MYO5A: variants seen among roughly 807,000 people sequenced by gnomAD.
The protein encoded by MYO5A is myosin VA.
A neutral mutation model predicts 249.7 loss-of-function variants in MYO5A; 98 were observed. The ratio of observed to expected loss-of-function variants is 0.39; its 90% CI spans 0.33 to 0.46. The LOEUF is 0.46. MYO5A is among the 20% of genes least tolerant of loss of function. The probability of loss-of-function intolerance (pLI) is 0.98; values close to 1 mark genes in which losing one functional copy is unlikely to be tolerated. For missense variants in MYO5A, 1,696 were observed against 2,308.8 expected (o/e 0.73, Z 5.44); for synonymous variants, 778 against 810.6 (o/e 0.96, Z 0.68).
At chr15:52,366,629 C>CAAAA (rs60631867) in intron 23 of MYO5A, among the ~76,000 whole-genome samples, 17 of 74,542 alleles carry the variant, frequency 2.3e-4, no homozygotes, top group Non-Finnish European at 4.1e-4. Flanking sequence ...ATTGATTTAG[C>CAAAA]AAAAAAAAAA....
chr15:52,326,584 A>G (rs2038618915), intron 36 of MYO5A, among the ~76,000 whole-genome samples: 1 of 152,178 alleles, frequency 6.6e-6, no homozygotes, highest in Non-Finnish European at 1.5e-5. Context: ...TTTAATGGGT[A>G]CTGTGTTTCA....
intron 1 of MYO5A, among the ~76,000 whole-genome samples, chr15:52,440,917 G>A (rs1260711690): frequency 6.6e-6 from 1 of 152,026 alleles, no homozygotes; most frequent in Admixed American, 6.6e-5. Context: ...ATTCAGAATC[G>A]GCCATGGCTC....
chr15:52,367,636 G>C (rs974974381), intron 22 of MYO5A, among the ~76,000 whole-genome samples: 2 of 152,148 alleles, frequency 1.3e-5, no homozygotes, highest in African/African-American at 4.8e-5. Context: ...AGAAGGATAT[G>C]AGGATGTTTA....
intron 1 of MYO5A, among the ~76,000 whole-genome samples, chr15:52,488,852 T>C (rs780415343): frequency 1.3e-5 from 2 of 152,214 alleles, no homozygotes; most frequent in Non-Finnish European, 2.9e-5. Flanking sequence ...TGACACTTAA[T>C]AACAAATAAT....
intron 35 of MYO5A, among the ~76,000 whole-genome samples, chr15:52,328,531 C>A (rs1035470169): frequency 2.0e-5 from 3 of 152,206 alleles, no homozygotes; most frequent in Admixed American, 6.5e-5. Flanking sequence ...CTACCAGCTA[C>A]AGATGTCCCA....
chr15:52,388,775 A>G (rs1595576473), intron 13 of MYO5A, among the ~76,000 whole-genome samples: 1 of 152,190 alleles, frequency 6.6e-6, no homozygotes, highest in Non-Finnish European at 1.5e-5. Flanking sequence ...GAGATCAGCT[A>G]TGCTTTAGGA....
intron 4 of MYO5A, among the ~76,000 whole-genome samples, chr15:52,417,759 C>T (rs1020899732): frequency 3.9e-5 from 6 of 152,172 alleles, no homozygotes; most frequent in African/African-American, 1.2e-4. Flanking sequence ...CTCACATGCT[C>T]ATGTGCCCTC....
intron 1 of MYO5A, among the ~76,000 whole-genome samples, chr15:52,453,032 T>A (rs1366066816): frequency 6.6e-6 from 1 of 151,930 alleles, no homozygotes; most frequent in Non-Finnish European, 1.5e-5. Flanking sequence ...AAGAGAAAAC[T>A]TTCCAAAACT....
At chr15:52,520,558 T>A (rs545396839) in intron 1 of MYO5A, among the ~76,000 whole-genome samples, 3 of 152,350 alleles carry the variant, frequency 2.0e-5, no homozygotes, top group African/African-American at 7.2e-5. Context: ...TGACCATGTC[T>A]GAGCCTTGAT....
intron 1 of MYO5A, among the ~76,000 whole-genome samples, chr15:52,473,662 C>T (rs1478737241): frequency 6.6e-6 from 1 of 152,166 alleles, no homozygotes; most frequent in Admixed American, 6.5e-5. Flanking sequence ...ATCCTTTCCC[C>T]ATTTCTTGTT....
intron 1 of MYO5A, among the ~76,000 whole-genome samples, chr15:52,518,865 A>G (rs1156387148): frequency 1.3e-5 from 2 of 152,228 alleles, no homozygotes; most frequent in African/African-American, 2.4e-5. Flanking sequence ...ATGTCAGATC[A>G]GGGAGTGGTA....
intron 36 of MYO5A, among the ~76,000 whole-genome samples, chr15:52,325,565 C>A (rs917141140): frequency 1.3e-5 from 2 of 151,884 alleles, no homozygotes; most frequent in African/African-American, 4.8e-5. Context: ...CCATGCTTGG[C>A]TAATTTTTTT....
chr15:52,468,494 C>T (rs2693466), intron 1 of MYO5A, among the ~76,000 whole-genome samples: 119,642 of 151,890 alleles, frequency 0.79, 47,548 homozygotes, highest in South Asian at 0.84. Context: ...CCCGTCTCTA[C>T]AAAAATGTAA....
At chr15:52,429,665 G>T (rs8033579) in intron 2 of MYO5A, among the ~76,000 whole-genome samples, 37,015 of 151,184 alleles carry the variant, frequency 0.24, 5,390 homozygotes, top group East Asian at 0.64. Flanking sequence ...CTCCAGCCTG[G>T]GCTACAGAGC....
At chr15:52,477,016 A>G (rs1465451171) in intron 1 of MYO5A, among the ~76,000 whole-genome samples, 1 of 152,186 alleles carries the variant, frequency 6.6e-6, no homozygotes, top group African/African-American at 2.4e-5. Flanking sequence ...TTTCCCCGTC[A>G]CTTTCAGGTA....
intron 25 of MYO5A, among the ~76,000 whole-genome samples, chr15:52,358,331 C>T (rs1468601360): frequency 1.3e-5 from 2 of 152,174 alleles, no homozygotes; most frequent in Non-Finnish European, 2.9e-5. Flanking sequence ...TGAGTACTCC[C>T]ACTGAGATCA....
intron 1 of MYO5A, among the ~76,000 whole-genome samples, chr15:52,441,907 T>C (rs1490069279): frequency 6.6e-6 from 1 of 152,194 alleles, no homozygotes. Flanking sequence ...ATGAGTGTTC[T>C]TAGCTTCCAA....
At chr15:52,479,689 T>C (rs1167309764) in intron 1 of MYO5A, among the ~76,000 whole-genome samples, 1 of 152,250 alleles carries the variant, frequency 6.6e-6, no homozygotes, top group African/African-American at 2.4e-5. Flanking sequence ...TATATATTCA[T>C]AAACTATATT....
At chr15:52,393,078 G>T (rs1002578302) in intron 11 of MYO5A, among the ~76,000 whole-genome samples, 1 of 152,190 alleles carries the variant, frequency 6.6e-6, no homozygotes, top group African/African-American at 2.4e-5. Flanking sequence ...CCACTGCCCA[G>T]CCAATGCAGC....
Sources: gnomAD v4.1 joint callset for allele counts (sites outside exome capture counted in the v4.1 genomes callset) on GRCh38, gnomAD v4.1.1 for gene constraint, MANE v1.5 for transcripts, NCBI Gene and HGNC (gene_info 2026-07-23, HGNC 2026-07-21) for gene names.